CNOT6: variants seen among roughly 807,000 people sequenced by gnomAD.
CNOT6 encodes CCR4-NOT transcription complex subunit 6.
In CNOT6, 12 loss-of-function variants were observed where a neutral mutation model predicts 61.2. That is an observed-to-expected ratio of 0.20 (90% CI 0.13 to 0.32). CNOT6 has a LOEUF of 0.32. Among genes scored for constraint, CNOT6 ranks in the 10% least tolerant of loss-of-function variants. The pLI is 1.00. For synonymous variants in CNOT6, 225 were observed against 240.6 expected (o/e 0.94, Z 0.60); for missense variants, 405 against 663.9 (o/e 0.61, Z 4.28).
At chr5:180,510,333 T>C (rs2127701544) in intron 1 of CNOT6, among the ~76,000 whole-genome samples, 1 of 151,922 alleles carries the variant, frequency 6.6e-6, no homozygotes, top group Non-Finnish European at 1.5e-5. Flanking sequence ...CTGGCCAATA[T>C]GTGAAGGAAA....
chr5:180,520,565 C>G (rs949684931), intron 1 of CNOT6, among the ~76,000 whole-genome samples: 2 of 151,942 alleles, frequency 1.3e-5, no homozygotes, highest in Non-Finnish European at 2.9e-5. Context: ...TCGCTTGAAC[C>G]AGGGAGTCAG....
At chr5:180,572,374 G>A (rs1250484252) in intron 11 of CNOT6, among the ~76,000 whole-genome samples, 1 of 151,946 alleles carries the variant, frequency 6.6e-6, no homozygotes, top group Non-Finnish European at 1.5e-5. Context: ...ATCTTTGGTA[G>A]AGACGGAGTT....
intron 1 of CNOT6, among the ~76,000 whole-genome samples, chr5:180,496,465 G>A (rs1756620011): frequency 6.6e-6 from 1 of 152,170 alleles, no homozygotes; most frequent in African/African-American, 2.4e-5. Flanking sequence ...TGGGAGGAGG[G>A]AGGGTATGTT....
At chr5:180,518,097 C>T (rs1219673975) in intron 1 of CNOT6, among the ~76,000 whole-genome samples, 1 of 152,076 alleles carries the variant, frequency 6.6e-6, no homozygotes, top group Non-Finnish European at 1.5e-5. Context: ...ATTATGTTAT[C>T]TCTCTTTTGT....
chr5:180,543,310 C>T (rs568300129), intron 2 of CNOT6, among the ~76,000 whole-genome samples: 5 of 150,796 alleles, frequency 3.3e-5, no homozygotes, highest in South Asian at 2.1e-4. Flanking sequence ...ACACCCACCT[C>T]GGCCTCCCAA....
At chr5:180,572,827 A>T (rs1489649766) in intron 11 of CNOT6, among the ~76,000 whole-genome samples, 2 of 152,074 alleles carry the variant, frequency 1.3e-5, no homozygotes, top group African/African-American at 2.4e-5. Flanking sequence ...AAGTGCTGGG[A>T]TTATAGACGG....
intron 10 of CNOT6, among the ~76,000 whole-genome samples, chr5:180,570,457 AT>A (rs1406818412): frequency 6.6e-6 from 1 of 152,226 alleles, no homozygotes; most frequent in Non-Finnish European, 1.5e-5. Flanking sequence ...ATTTCATCTC[AT>A]CAAGTTATCT....
At chr5:180,573,247 G>T (rs1397803516) in intron 11 of CNOT6, among the ~76,000 whole-genome samples, 2 of 152,182 alleles carry the variant, frequency 1.3e-5, no homozygotes, top group African/African-American at 4.8e-5. Context: ...GAACAGTTTA[G>T]TAGATGCCAT....
At chr5:180,508,062 G>A (rs1472209904) in intron 1 of CNOT6, among the ~76,000 whole-genome samples, 1 of 152,176 alleles carries the variant, frequency 6.6e-6, no homozygotes, top group Non-Finnish European at 1.5e-5. Flanking sequence ...CCGTATCTAG[G>A]ATGGATTAGA....
At chr5:180,522,512 G>T (rs772470133) in intron 1 of CNOT6, among the ~76,000 whole-genome samples, 2 of 152,050 alleles carry the variant, frequency 1.3e-5, no homozygotes, top group African/African-American at 2.4e-5. Flanking sequence ...TTCCCTTTTT[G>T]GGGCAGCCTC....
intron 2 of CNOT6, among the ~76,000 whole-genome samples, chr5:180,535,436 G>A (rs944524045): frequency 1.3e-5 from 2 of 152,162 alleles, no homozygotes; most frequent in Non-Finnish European, 2.9e-5. Flanking sequence ...GAGTTGTTTT[G>A]CTTAGGATAA....
intron 1 of CNOT6, among the ~76,000 whole-genome samples, chr5:180,509,678 G>GTTCT (rs1377924535): frequency 6.6e-6 from 1 of 151,328 alleles, no homozygotes; most frequent in Non-Finnish European, 1.5e-5. Context: ...GCCTCCCAAG[G>GTTCT]TGCCGGGATT....
intron 1 of CNOT6, among the ~76,000 whole-genome samples, chr5:180,499,349 C>T (rs1561627820): frequency 1.3e-5 from 2 of 152,210 alleles, no homozygotes. Context: ...AACCCTATGT[C>T]CACTTGAAAT....
intron 2 of CNOT6, among the ~76,000 whole-genome samples, chr5:180,548,025 C>A (rs1163800625): frequency 6.6e-6 from 1 of 152,224 alleles, no homozygotes; most frequent in Non-Finnish European, 1.5e-5. Flanking sequence ...TGAGCCACCG[C>A]ATCCTGCCCT....
chr5:180,521,831 C>T (rs573419318), intron 1 of CNOT6, among the ~76,000 whole-genome samples: 1 of 152,322 alleles, frequency 6.6e-6, no homozygotes, highest in African/African-American at 2.4e-5. Flanking sequence ...AGGATAATAG[C>T]CTCCAGCTAT....
chr5:180,552,060 G>A (rs190673382), intron 3 of CNOT6, among the ~76,000 whole-genome samples: 2 of 151,334 alleles, frequency 1.3e-5, no homozygotes, highest in African/African-American at 4.9e-5. Context: ...GTAGAGACAG[G>A]GTTTCACCAT....
At chr5:180,547,908 A>G (rs1429318163) in intron 2 of CNOT6, among the ~76,000 whole-genome samples, 1 of 151,882 alleles carries the variant, frequency 6.6e-6, no homozygotes, top group Non-Finnish European at 1.5e-5. Context: ...TAATTTTTGT[A>G]TTTTTAGCAG....
intron 1 of CNOT6, among the ~76,000 whole-genome samples, chr5:180,525,140 TAAGACCAG>T (rs1758041994): frequency 6.6e-6 from 1 of 152,224 alleles, no homozygotes; most frequent in African/African-American, 2.4e-5. Flanking sequence ...AACTAACGTA[TAAGACCAG>T]TTTGTTTTAT....
rs1760625170 is a variant in CNOT6 at position 180,569,258 on chromosome 5, C to G, written c.1176C>G (p.Arg392=). 1 of 1,614,074 alleles carries G rather than the reference C, an allele frequency of 6.2e-7. No homozygotes were observed. The highest frequency in any genetic ancestry group is 8.5e-7 in the Non-Finnish European group (1 of 1,180,020). ...EVKNIIDKAS[R]NLKSSVLGEF... is the part of the protein sequence containing the mutation. Reference sequence around the variant, plus strand: ...AGAACATTATTGATAAAGCCTCTCGCAACCTCAAATCCAGTGTTTTGGGAG... The same window carrying G: ...AGAACATTATTGATAAAGCCTCTCGGAACCTCAAATCCAGTGTTTTGGGAG... Residue 392 remains arginine, a synonymous_variant, in exon 10 of 12, where the codon CGC becomes CGG. Coordinates refer to ENST00000261951, the MANE Select transcript of CNOT6 (RefSeq NM_001370472.1).
Sources: allele counts gnomAD v4.1 joint callset (sites outside exome capture counted in the v4.1 genomes callset), GRCh38; gene constraint gnomAD v4.1.1; transcripts MANE v1.5; gene names NCBI Gene and HGNC (gene_info 2026-07-23, HGNC 2026-07-21).